Variants in LONRF3 observed in about 807,000 individuals in gnomAD.
The protein encoded by LONRF3 is LON peptidase N-terminal domain and RING finger protein 3.
A neutral mutation model predicts 51.7 loss-of-function variants in LONRF3; 19 were observed. The ratio of observed to expected loss-of-function variants is 0.37; its 90% CI spans 0.26 to 0.54. The LOEUF is 0.54. Ranked by LOEUF, LONRF3 falls within the 20% of genes least tolerant of loss-of-function variation. LONRF3 has a pLI of 0.86. For missense variants in LONRF3, 521 were observed against 623.9 expected, an observed-to-expected ratio of 0.84 and a Z score of 1.76; for synonymous variants, 265 against 257.8, an observed-to-expected ratio of 1.03 and a Z score of -0.27.
At chrX:119,012,940 T>C (rs749304828) in intron 8 of LONRF3, 99 bp from the exon 9 acceptor site, 14 of 1,201,842 alleles carry the variant, frequency 1.2e-5, no homozygotes, top group Admixed American at 2.2e-5. Context: ...CAGAAGTCCC[T>C]TGAGCCACAG....
At chrX:118,993,014 G>T (rs1168505806) in intron 5 of LONRF3, among the ~76,000 whole-genome samples, 2 of 111,410 alleles carry the variant, frequency 1.8e-5, no homozygotes, top group Non-Finnish European at 3.8e-5. Context: ...AAAAGAATCT[G>T]AACAACAGCC....
At chrX:119,014,111 G>A (rs766559660) in intron 9 of LONRF3, 96 bp from the exon 10 acceptor site, 293 of 933,342 alleles carry the variant, frequency 3.1e-4, no homozygotes, top group Non-Finnish European at 4.2e-4. Flanking sequence ...CCATAGGAAG[G>A]CAGGATGGAT....
At chrX:118,996,057 G>C (rs1923844850) in intron 5 of LONRF3, among the ~76,000 whole-genome samples, 1 of 112,105 alleles carries the variant, frequency 8.9e-6, no homozygotes, top group African/African-American at 3.2e-5. Context: ...ACCACATTAA[G>C]GTATGTCCCT....
At chrX:119,014,382 C>T (rs780552929) in intron 10 of LONRF3, 26 bp downstream of exon 10, 14 of 1,186,191 alleles carry the variant, frequency 1.2e-5, no homozygotes, top group South Asian at 1.1e-4. Context: ...TATTTTTAAA[C>T]GGGTTGTCCC....
intron 7 of LONRF3, among the ~76,000 whole-genome samples, chrX:119,009,796 G>C (rs935235784): frequency 9.0e-6 from 1 of 110,981 alleles, no homozygotes; most frequent in Non-Finnish European, 1.9e-5. Context: ...TTGAGATTGA[G>C]TCTCACTCTG....
chrX:119,010,349 A>G (rs1925016928), intron 7 of LONRF3, among the ~76,000 whole-genome samples: 1 of 111,665 alleles, frequency 9.0e-6, no homozygotes, highest in African/African-American at 3.3e-5. Context: ...ACAGCATTCC[A>G]GAGGCAAGGT....
In LONRF3 at chrX:118,978,322, G is replaced by GT. The variant is rs766392721; in HGVS notation, c.818-18dup. On this transcript the variant is annotated intron_variant, in intron 1 of 10. Transcript: ENST00000371628. ...CTTGCGCTGGGGGCCATTAATAAAG[G>GT]TTTTTCTTTCTTATTTTGACAGCTC... The GT allele has an allele frequency of 4.6e-6, 5 of 1,083,702 alleles. No individual in the cohort carries two copies. The South Asian group carries it at 7.4e-5, about 16-fold the overall frequency. 89.3% of individuals were successfully genotyped at this position (1,083,702 alleles called of 1,213,427 possible).
chrX:118,976,890 G>GGA (rs1335667062), intron 1 of LONRF3: 1 of 111,905 alleles, frequency 8.9e-6, no homozygotes, highest in Non-Finnish European at 1.9e-5. Flanking sequence ...GTGGAGTGGA[G>GGA]GAGGGGTGTG....
At chrX:118,987,719 G>T (rs142566551) in intron 3 of LONRF3, among the ~76,000 whole-genome samples, 223 of 110,293 alleles carry the variant, frequency 2.0e-3, no homozygotes, top group Non-Finnish European at 3.5e-3. Flanking sequence ...CCCTCCTTTC[G>T]AGCTTTTGTT....
At chrX:118,996,057 GGTAT>G (rs1923845286) in intron 5 of LONRF3, among the ~76,000 whole-genome samples, 1 of 112,105 alleles carries the variant, frequency 8.9e-6, no homozygotes, top group African/African-American at 3.2e-5. Flanking sequence ...ACCACATTAA[GGTAT>G]GTCCCTTGTA....
chrX:119,006,568 TTTTTGTTTTGTTTTG>T (rs10587850), intron 6 of LONRF3, among the ~76,000 whole-genome samples: 6 of 90,055 alleles, frequency 6.7e-5, no homozygotes, highest in Non-Finnish European at 8.7e-5. Flanking sequence ...GCTCGGCTAA[TTTTTGTTTTGTTTTG>T]TTTTGTTTTG....
At chrX:119,007,337 G>T (rs768636173) in intron 6 of LONRF3, among the ~76,000 whole-genome samples, 10 of 111,536 alleles carry the variant, frequency 9.0e-5, no homozygotes, top group Non-Finnish European at 1.3e-4. Flanking sequence ...CAGAACTTCA[G>T]TGTGATCCTT....
At chrX:118,985,360 CCTGTGGAGGAGGGACCT>C (rs1922871051) in intron 3 of LONRF3, among the ~76,000 whole-genome samples, 1 of 111,540 alleles carries the variant, frequency 9.0e-6, no homozygotes, top group African/African-American at 3.3e-5. Flanking sequence ...AACCTTGGCT[CCTGTGGAGGAGGGACCT>C]CTGAAAGCTG....
chrX:118,994,899 C>A (rs190677930), intron 5 of LONRF3, among the ~76,000 whole-genome samples: 1 of 112,091 alleles, frequency 8.9e-6, no homozygotes, highest in East Asian at 2.8e-4. Context: ...TGAGGGACTT[C>A]AGTACTCCAC....
chrX:118,993,727 C>T (rs765906852), intron 5 of LONRF3, among the ~76,000 whole-genome samples: 4 of 111,818 alleles, frequency 3.6e-5, no homozygotes, highest in South Asian at 3.8e-4. Flanking sequence ...ACATTGTCAT[C>T]AGATTATCCA....
chrX:118,997,963 C>CA (rs753877400), intron 5 of LONRF3, among the ~76,000 whole-genome samples: 69 of 112,220 alleles, frequency 6.1e-4, no homozygotes, highest in African/African-American at 2.2e-3. Flanking sequence ...ATAAAAAACT[C>CA]AAAAAACAGT....
chrX:119,009,285 C>T (rs1300408994), intron 7 of LONRF3, 38 bp downstream of exon 7: 6 of 1,152,194 alleles, frequency 5.2e-6, no homozygotes, highest in Non-Finnish European at 7.0e-6. Flanking sequence ...TTCACTCATA[C>T]CAGCTCAATG....
chrX:118,975,227 C>A lies in LONRF3; in HGVS notation c.447C>A (p.Ala149=), dbSNP rs1483414194. 8.4e-7 allele frequency: 1 copy of A among 1,188,260 alleles called. No homozygotes were observed. The highest frequency in any genetic ancestry group is 2.4e-5 in the Admixed American group (1 of 42,361). The change falls in exon 1 of 11, where the codon GCC becomes GCA. Residue 149 remains alanine (A), a synonymous_variant. Transcript: ENST00000371628. ...EETGAAAAAA[A]TEVWDGFKCR... is the part of the protein sequence containing the mutation. ...CGGGGGCCGCCGCGGCTGCGGCGGC[C>A]ACCGAGGTGTGGGACGGCTTTAAGT...
intron 7 of LONRF3, among the ~76,000 whole-genome samples, chrX:119,009,449 A>C (rs935271031): frequency 6.2e-5 from 7 of 112,036 alleles, no homozygotes; most frequent in African/African-American, 2.3e-4. Flanking sequence ...GTTGTTAAAC[A>C]TACCAGCATA....
Sources: gnomAD v4.1 joint callset for allele counts (sites outside exome capture counted in the v4.1 genomes callset) on GRCh38, gnomAD v4.1.1 for gene constraint, MANE v1.5 for transcripts, NCBI Gene and HGNC (gene_info 2026-07-23, HGNC 2026-07-21) for gene names.